Variants in COL6A5 observed in about 807,000 individuals in gnomAD.
COL6A5 encodes the protein collagen alpha-5(VI) chain.
Under a neutral mutation model 65.6 loss-of-function variants are expected in COL6A5, and 48 were observed. The ratio of observed to expected loss-of-function variants is 0.73; its 90% confidence interval spans 0.58 to 0.93. The LOEUF is 0.93. Ranked by LOEUF, COL6A5 falls within the 40% of genes least tolerant of loss-of-function variation. The pLI is 0.00. For missense variants in COL6A5, 914 were observed against 928.3 expected, an observed-to-expected ratio of 0.98 and a Z score of 0.20; for synonymous variants, 291 against 322.8, an observed-to-expected ratio of 0.90 and a Z score of 1.05.
chr3:130,414,704 C>T (rs571704247), intron 22 of COL6A5, among the ~76,000 whole-genome samples: 1 of 152,148 alleles, frequency 6.6e-6, no homozygotes, highest in South Asian at 2.1e-4. Flanking sequence ...AGAGTAGCTT[C>T]GTAGCACATG....
chr3:130,420,366 T>C (rs892843359), intron 25 of COL6A5, among the ~76,000 whole-genome samples: 5 of 152,156 alleles, frequency 3.3e-5, no homozygotes, highest in Admixed American at 2.6e-4. Flanking sequence ...CAACATCATT[T>C]TTAGTAGCTT....
chr3:130,403,036 A>C (rs1056497385), intron 12 of COL6A5, among the ~76,000 whole-genome samples: 6 of 152,186 alleles, frequency 3.9e-5, no homozygotes, highest in Non-Finnish European at 8.8e-5. Flanking sequence ...TTCCAGAAGC[A>C]CAACCCCCCT....
At chr3:130,391,826 C>A in intron 7 of COL6A5, 72 bp downstream of exon 7, 3 of 1,146,928 alleles carry the variant, frequency 2.6e-6, no homozygotes, top group South Asian at 1.6e-5. Flanking sequence ...TCATAAGTCT[C>A]AGGTCTCCGA....
chr3:130,384,787 A>G lies in COL6A5; in HGVS notation c.1301-17A>G. 6.6e-7 allele frequency: 1 copy of G among 1,514,416 alleles called. No homozygotes were observed. Among genetic ancestry groups the G allele is most frequent in the Non-Finnish European group, 8.8e-7 (1 of 1,130,848 alleles). The allele number at this position is 1,514,416 out of a possible 1,614,324, so 93.8% of individuals were successfully genotyped here. Reference sequence around the variant, plus strand: ...CTCTAGGTTCTCTAATTTACAGAGAATGCACTTCTTTTTCAGGCTGTGTGG... The same window carrying G: ...CTCTAGGTTCTCTAATTTACAGAGAGTGCACTTCTTTTTCAGGCTGTGTGG... On this transcript the variant is annotated splice_polypyrimidine_tract_variant and intron_variant and NMD_transcript_variant, in intron 4 of 41. Transcript: ENST00000312481.
At chr3:130,372,407 C>T (rs948051859) in intron 1 of COL6A5, among the ~76,000 whole-genome samples, 1 of 151,852 alleles carries the variant, frequency 6.6e-6, no homozygotes, top group Non-Finnish European at 1.5e-5. Flanking sequence ...GTAGAAACAA[C>T]CCAAATGTTC....
At chr3:130,349,022 T>A (rs936655311) in intron 1 of COL6A5, among the ~76,000 whole-genome samples, 2 of 152,342 alleles carry the variant, frequency 1.3e-5, no homozygotes, top group African/African-American at 4.8e-5. Context: ...CCTGTATTCA[T>A]GTTGCAGATT....
chr3:130,452,197 G>A (rs1709459220), intron 4 of COL6A5, among the ~76,000 whole-genome samples: 1 of 152,170 alleles, frequency 6.6e-6, no homozygotes, highest in South Asian at 2.1e-4. Context: ...TCAGGGAGTC[G>A]AACACGTGTT....
intron 21 of COL6A5, 115 bp downstream of exon 21, chr3:130,413,695 C>G (rs1358778023): frequency 9.3e-7 from 1 of 1,077,836 alleles, no homozygotes; most frequent in Non-Finnish European, 1.4e-6. Flanking sequence ...TAGGAAGTGC[C>G]CAGTACTGGA....
intron 25 of COL6A5, among the ~76,000 whole-genome samples, chr3:130,419,864 A>G (rs933491174): frequency 6.6e-6 from 1 of 152,150 alleles, no homozygotes; most frequent in Non-Finnish European, 1.5e-5. Context: ...GTTAATAACA[A>G]TATATCGTAT....
At chr3:130,356,401 T>C (rs1369938828) in intron 1 of COL6A5, among the ~76,000 whole-genome samples, 4 of 152,174 alleles carry the variant, frequency 2.6e-5, no homozygotes, top group African/African-American at 7.2e-5. Context: ...AATAGACTAA[T>C]AATGAACTCT....
At chr3:130,452,140 C>T (rs976664410) in intron 4 of COL6A5, among the ~76,000 whole-genome samples, 5 of 152,250 alleles carry the variant, frequency 3.3e-5, no homozygotes, top group Non-Finnish European at 7.4e-5. Context: ...TTAGACTCTG[C>T]ATGACCCATA....
chr3:130,466,842 T>C (rs1406487594), intron 5 of COL6A5, among the ~76,000 whole-genome samples: 1 of 151,902 alleles, frequency 6.6e-6, no homozygotes, highest in Non-Finnish European at 1.5e-5. Context: ...TGCATATAAA[T>C]CAGCTTAGGT....
At chr3:130,429,559 T>C (rs1182677310), upstream of COL6A5, 1 of 1,546,272 alleles carries the variant, frequency 6.5e-7, no homozygotes, top group Non-Finnish European at 8.7e-7. Flanking sequence ...CTTTTCCCTC[T>C]CTCCTTTTCA....
chr3:130,380,419 C>T (rs1935956615), intron 4 of COL6A5, among the ~76,000 whole-genome samples: 1 of 151,926 alleles, frequency 6.6e-6, no homozygotes, highest in African/African-American at 2.4e-5. Flanking sequence ...TTTTCTGTCC[C>T]TCTCTCTTTC....
chr3:130,439,639 C>T, intron 2 of COL6A5, 24 bp downstream of exon 34: 2 of 1,508,688 alleles, frequency 1.3e-6, no homozygotes, highest in Admixed American at 2.0e-5. Context: ...AGAGAATTGA[C>T]TGTGCTGAAG....
intron 1 of COL6A5, among the ~76,000 whole-genome samples, chr3:130,359,402 TA>T (rs558842882): frequency 6.6e-6 from 1 of 151,786 alleles, no homozygotes; most frequent in Admixed American, 6.6e-5. Context: ...ATGTTTAATT[TA>T]AAAAAAATTA....
At chr3:130,401,532 T>C (rs1236213901) in intron 11 of COL6A5, among the ~76,000 whole-genome samples, 1 of 152,214 alleles carries the variant, frequency 6.6e-6, no homozygotes, top group Non-Finnish European at 1.5e-5. Flanking sequence ...CTGGATGCCC[T>C]GTCTATAGAC....
At chr3:130,404,284 T>A (rs1394408368) in intron 13 of COL6A5, among the ~76,000 whole-genome samples, 1 of 152,330 alleles carries the variant, frequency 6.6e-6, no homozygotes. Flanking sequence ...ACCACTTAGG[T>A]GGCTCTGTTA....
intron 4 of COL6A5, among the ~76,000 whole-genome samples, chr3:130,382,753 C>T (rs1936044529): frequency 6.6e-6 from 1 of 152,112 alleles, no homozygotes; most frequent in Non-Finnish European, 1.5e-5. Flanking sequence ...CTGGCACATA[C>T]TAAGTGTTCA....
Sources: allele counts gnomAD v4.1 joint callset (sites outside exome capture counted in the v4.1 genomes callset), GRCh38; gene constraint gnomAD v4.1.1; transcripts MANE v1.5; gene names NCBI Gene and HGNC (gene_info 2026-07-23, HGNC 2026-07-21).